The following NXPH1 variants were observed in gnomAD, a reference collection of about 807,000 sequenced individuals.
NXPH1 encodes the protein neurexophilin-1.
Under a neutral mutation model 23.7 loss-of-function variants are expected in NXPH1, and 5 were observed. The ratio of observed to expected loss-of-function variants is 0.21; its 90% CI spans 0.11 to 0.44. The LOEUF (loss-of-function observed/expected upper bound fraction) is 0.44. NXPH1 is among the 20% of genes least tolerant of loss of function. The pLI is 0.99. For missense variants in NXPH1, 324 were observed against 321.6 expected, an observed-to-expected ratio of 1.01 and a Z score of -0.06; for synonymous variants, 144 against 122.2, an observed-to-expected ratio of 1.18 and a Z score of -1.18.
At chr7:8,559,054 A>G (rs901021419) in intron 2 of NXPH1, among the ~76,000 whole-genome samples, 2 of 151,176 alleles carry the variant, frequency 1.3e-5, no homozygotes, top group Non-Finnish European at 3.0e-5. Context: ...ATAACCTTCA[A>G]CTCCTGGGCT....
intron 2 of NXPH1, among the ~76,000 whole-genome samples, chr7:8,584,612 G>A (rs1390916335): frequency 6.6e-6 from 1 of 152,086 alleles, no homozygotes; most frequent in Non-Finnish European, 1.5e-5. Context: ...AAAGTGATAT[G>A]GAAATATGAT....
At chr7:8,644,503 G>C (rs1820364928) in intron 2 of NXPH1, among the ~76,000 whole-genome samples, 1 of 152,014 alleles carries the variant, frequency 6.6e-6, no homozygotes. Context: ...AAATCCTTCT[G>C]TATTTCTGGT....
At chr7:8,488,181 T>G (rs75053422) in intron 2 of NXPH1, among the ~76,000 whole-genome samples, 2,085 of 152,230 alleles carry the variant, frequency 0.014, 46 homozygotes, top group Admixed American at 0.056. Flanking sequence ...TATCCTACAG[T>G]AGGTAACTTT....
intron 2 of NXPH1, among the ~76,000 whole-genome samples, chr7:8,747,304 T>C (rs1780487438): frequency 6.6e-6 from 1 of 152,214 alleles, no homozygotes; most frequent in South Asian, 2.1e-4. Context: ...CAATTTTTAT[T>C]CTACCTGAAA....
chr7:8,495,001 G>A (rs1480585413), intron 2 of NXPH1, among the ~76,000 whole-genome samples: 2 of 151,994 alleles, frequency 1.3e-5, no homozygotes, highest in South Asian at 2.1e-4. Context: ...TTTTTGTGAG[G>A]TTTAAAAAGG....
At chr7:8,596,925 G>A (rs1011130482) in intron 2 of NXPH1, among the ~76,000 whole-genome samples, 1 of 152,098 alleles carries the variant, frequency 6.6e-6, no homozygotes. Flanking sequence ...TATGCAACGT[G>A]CAGGAATCCT....
At chr7:8,553,156 A>G (rs1818305200) in intron 2 of NXPH1, among the ~76,000 whole-genome samples, 1 of 151,592 alleles carries the variant, frequency 6.6e-6, no homozygotes, top group Admixed American at 6.6e-5. Context: ...TGGCTGAAAA[A>G]GAAAAAAAGC....
At chr7:8,498,632 A>T (rs1043175769) in intron 2 of NXPH1, among the ~76,000 whole-genome samples, 2 of 151,986 alleles carry the variant, frequency 1.3e-5, no homozygotes, top group African/African-American at 4.8e-5. Context: ...TCTCTTTTTC[A>T]GTTCTATTGG....
rs182024874 is a variant in NXPH1 at position 8,524,020 on chromosome 7, G to A, written c.54+88253G>A. 3.9e-5 allele frequency among the ~76,000 whole-genome samples: 6 copies of A among 152,142 alleles called. No individual in the cohort carries two copies. The East Asian group carries it at 1.2e-3, about 30-fold the overall frequency. On this transcript the variant is annotated intron_variant, in intron 2 of 2. Coordinates refer to ENST00000405863, the MANE Select transcript of NXPH1 (RefSeq NM_152745.3). ...AGCACTTTGGGAGGCTGAGGCGGGTGGATTACGAGGTCAGCAATTCAAGAC... is the reference window on the plus strand; with the variant it reads ...AGCACTTTGGGAGGCTGAGGCGGGTAGATTACGAGGTCAGCAATTCAAGAC...
At chr7:8,569,872 G>A (rs1006338368) in intron 2 of NXPH1, among the ~76,000 whole-genome samples, 3 of 151,812 alleles carry the variant, frequency 2.0e-5, no homozygotes, top group African/African-American at 7.2e-5. Flanking sequence ...GTCTATTACT[G>A]GTTGTGTGTC....
chr7:8,739,219 C>G (rs1041493828), intron 2 of NXPH1, among the ~76,000 whole-genome samples: 7 of 133,932 alleles, frequency 5.2e-5, no homozygotes, highest in African/African-American at 1.1e-4. Flanking sequence ...GCAGCTAGCT[C>G]TTTGTCTGCC....
At chr7:8,664,792 A>AT (rs1356544895) in intron 2 of NXPH1, among the ~76,000 whole-genome samples, 2 of 151,912 alleles carry the variant, frequency 1.3e-5, no homozygotes, top group Non-Finnish European at 1.5e-5. Flanking sequence ...AATGTTCAGC[A>AT]TTTTTTCATA....
At chr7:8,448,794 G>T (rs1356185008) in intron 2 of NXPH1, among the ~76,000 whole-genome samples, 1 of 128,948 alleles carries the variant, frequency 7.8e-6, no homozygotes, top group Non-Finnish European at 1.6e-5. Context: ...CAGCCTGGAA[G>T]ACAGAGCAAG....
intron 2 of NXPH1, among the ~76,000 whole-genome samples, chr7:8,706,914 AG>A (rs1779715055): frequency 6.6e-6 from 1 of 152,144 alleles, no homozygotes. Flanking sequence ...GAGAGTGAGA[AG>A]GGGGTGAGTG....
intron 2 of NXPH1, among the ~76,000 whole-genome samples, chr7:8,582,898 T>C (rs756889796): frequency 2.0e-5 from 3 of 152,164 alleles, no homozygotes; most frequent in Admixed American, 6.5e-5. Context: ...ATGTTGTCAA[T>C]GGCACCCAGG....
intron 2 of NXPH1, among the ~76,000 whole-genome samples, chr7:8,469,198 AT>A (rs533814499): frequency 1.1e-3 from 160 of 152,084 alleles, no homozygotes; most frequent in Admixed American, 2.2e-3. Flanking sequence ...CATTATAGTG[AT>A]TTTTTTGGGA....
intron 2 of NXPH1, among the ~76,000 whole-genome samples, chr7:8,574,693 G>A (rs1489627849): frequency 6.6e-6 from 1 of 152,154 alleles, no homozygotes; most frequent in Non-Finnish European, 1.5e-5. Context: ...TGAAGGTTCT[G>A]TGTTTCAAAT....
chr7:8,579,261 C>G (rs1341852977), intron 2 of NXPH1, among the ~76,000 whole-genome samples: 3 of 152,010 alleles, frequency 2.0e-5, no homozygotes, highest in African/African-American at 4.8e-5. Context: ...AAAACAGATT[C>G]AGTGATGGCA....
chr7:8,510,987 C>G (rs1817602342), intron 2 of NXPH1, among the ~76,000 whole-genome samples: 1 of 152,064 alleles, frequency 6.6e-6, no homozygotes. Context: ...CTGATCTTCT[C>G]TGCTTCCCTG....
Sources: gnomAD v4.1 joint callset for allele counts (sites outside exome capture counted in the v4.1 genomes callset) on GRCh38, gnomAD v4.1.1 for gene constraint, MANE v1.5 for transcripts, NCBI Gene and HGNC (gene_info 2026-07-23, HGNC 2026-07-21) for gene names.